ALKBH4: variants seen among roughly 807,000 people sequenced by gnomAD.
The protein encoded by ALKBH4 is alkB homolog 4, lysine demethylase, also known as alpha-ketoglutarate-dependent dioxygenase alkB homolog 4.
In ALKBH4, 8 loss-of-function variants were observed where a neutral mutation model predicts 12.1. The observed-to-expected ratio is 0.66, with a 90% CI of 0.39 to 1.19. The LOEUF is 1.19. ALKBH4 is among the 50% of genes most tolerant of loss of function. ALKBH4 has a pLI of 0.01. For synonymous variants in ALKBH4, 195 were observed against 191.6 expected (o/e 1.02, Z -0.15); for missense variants, 403 against 430.4 (o/e 0.94, Z 0.56).
rs926495408 is a variant in ALKBH4, at chr7:102,456,533, C to G, written c.*861G>C. On this transcript the variant is annotated 3_prime_UTR_variant, in exon 3 of 3. Transcript: ENST00000292566. Reference sequence around the variant, plus strand: ...CGGATTACAGGTGTGAGTCACCGCGCCTGGCCGGGAGCTTTAATTTTTCCT... The same window carrying G: ...CGGATTACAGGTGTGAGTCACCGCGGCTGGCCGGGAGCTTTAATTTTTCCT... 1.3e-5 allele frequency: 2 copies of G among 152,208 alleles called. No individual in the cohort carries two copies. Among genetic ancestry groups the G allele is most frequent in the African/African-American group, 4.8e-5 (2 of 41,446 alleles). 9.4% of individuals were successfully genotyped at this position (152,208 alleles called of 1,614,324 possible). A position where few individuals can be genotyped will look rare whatever the true frequency, so the allele number is the denominator to read the frequency against.
At chr7:102,459,552 G>A in intron 2 of ALKBH4, 52 bp downstream of exon 2, 1 of 1,554,728 alleles carries the variant, frequency 6.4e-7, no homozygotes, top group East Asian at 2.3e-5. Context: ...CAGCAGTAGG[G>A]CTGTCTCCTC....
At chr7:102,460,717 A>G (rs1198263858) in intron 1 of ALKBH4, among the ~76,000 whole-genome samples, 1 of 152,022 alleles carries the variant, frequency 6.6e-6, no homozygotes, top group African/African-American at 2.4e-5. Flanking sequence ...CTGCCTGACT[A>G]CCTTGAATCT....
chr7:102,459,145 CAAAA>C (rs377478984), intron 2 of ALKBH4, among the ~76,000 whole-genome samples: 2 of 53,806 alleles, frequency 3.7e-5, no homozygotes, highest in Admixed American at 1.9e-4. Flanking sequence ...GACTCTGTCT[CAAAA>C]AAAAAAAAAA....
chr7:102,464,578 T>G, intron 1 of ALKBH4, 136 bp downstream of exon 1: 1 of 1,293,256 alleles, frequency 7.7e-7, no homozygotes, highest in Non-Finnish European at 1.0e-6. Flanking sequence ...AGCCCTCATC[T>G]CCTCACCCTG....
Position 102,456,994 on chromosome 7 carries a change from A to G in ALKBH4, c.*400T>C, listed in dbSNP as rs1163905887. On this transcript the variant is annotated 3_prime_UTR_variant, in exon 3 of 3. Transcript: ENST00000292566. ...CGGCTGTGAGTCACCACACCCGGCT[A>G]ATTTTTGTAGTTTTTGTAGAGACGG... 1 of 157,270 alleles carries G rather than the reference A, an allele frequency of 6.4e-6. No individual in the cohort carries two copies. The highest frequency in any genetic ancestry group is 1.4e-5 in the Non-Finnish European group (1 of 71,660). 9.7% of individuals were successfully genotyped at this position (157,270 alleles called of 1,614,324 possible). A position where few individuals can be genotyped will look rare whatever the true frequency, so the allele number is the denominator to read the frequency against.
At position 102,456,461 on chromosome 7, in the gene ALKBH4, C is replaced by G. The variant is rs1261880386; in HGVS notation, c.*933G>C. The G allele has an allele frequency of 6.6e-6, 1 of 152,156 alleles. No individual in the cohort carries two copies. The highest frequency in any genetic ancestry group is 1.5e-5 in the Non-Finnish European group (1 of 68,082). 9.4% of individuals were successfully genotyped at this position (152,156 alleles called of 1,614,324 possible). On this transcript the variant is annotated 3_prime_UTR_variant, in exon 3 of 3. Transcript: ENST00000292566. ...AGAGATGGGGGTCTCACTATGTTGC[C>G]CAGGCTGGCCTCAAGCAATCCTCCC... is the stretch of plus-strand genomic sequence containing the variant.
At chr7:102,460,369 G>A (rs1403963744) in intron 1 of ALKBH4, among the ~76,000 whole-genome samples, 2 of 150,682 alleles carry the variant, frequency 1.3e-5, no homozygotes, top group African/African-American at 4.9e-5. Context: ...ACATCCTGGA[G>A]CCATGGCAGC....
Position 102,457,317 on chromosome 7 carries a change from G to GT in ALKBH4, c.*76dup, listed in dbSNP as rs1563647235. On this transcript the variant is annotated 3_prime_UTR_variant, in exon 3 of 3. Coordinates refer to ENST00000292566, the MANE Select transcript of ALKBH4 (RefSeq NM_017621.4). The surrounding 1 kb of genome is among the most constrained non-coding windows in gnomAD (Gnocchi z 5.9). ...GTCAGCCATCTTCTCTTGAAACCCCGTGAGTTGCAGGAGGCCCTGTTCTGT... is the reference window on the plus strand; with the variant it reads ...GTCAGCCATCTTCTCTTGAAACCCCGTTGAGTTGCAGGAGGCCCTGTTCTGT... 1 of 1,476,392 alleles carries GT rather than the reference G, an allele frequency of 6.8e-7. No individual in the cohort carries two copies. Among genetic ancestry groups the GT allele is most frequent in the Admixed American group, 1.8e-5 (1 of 54,096 alleles). The allele number at this position is 1,476,392 out of a possible 1,614,324, so 91.5% of individuals were successfully genotyped here.
At position 102,459,663 on chromosome 7, in the gene ALKBH4, A is replaced by G; in HGVS notation, c.262T>C (p.Leu88=). The G allele has an allele frequency of 2.5e-6, 4 of 1,613,972 alleles. No homozygotes were observed. In the East Asian group the frequency reaches 6.7e-5, roughly 27 times the overall value. ...GGGTCACGGTCCATGAGCCGCACCA[A>G]CTCGGCTTCTTCCTCCCGGGTCACA... is the stretch of plus-strand genomic sequence containing the variant. The part of the protein sequence containing the change: ...DFVTREEEAE[L]VRLMDRDPWK... The change falls in exon 2 of 3, where the codon TTG becomes CTG. Residue 88 remains leucine, a synonymous_variant. Transcript: ENST00000292566.
chr7:102,459,426 A>C, intron 2 of ALKBH4, 178 bp downstream of exon 2: 1 of 685,784 alleles, frequency 1.5e-6, no homozygotes, highest in Non-Finnish European at 2.4e-6. Flanking sequence ...ACCTCTGCCC[A>C]TCGGACACAC....
In ALKBH4 at chr7:102,464,700, C is replaced by T; in HGVS notation, c.123+14G>A. The T allele has an allele frequency of 6.6e-7, 1 of 1,520,268 alleles. No individual in the cohort carries two copies. The highest frequency in any genetic ancestry group is 1.4e-5 in the African/African-American group (1 of 69,052). 94.2% of individuals were successfully genotyped at this position (1,520,268 alleles called of 1,614,324 possible). A position where few individuals can be genotyped will look rare whatever the true frequency, so the allele number is the denominator to read the frequency against. On this transcript the variant is annotated intron_variant, in intron 1 of 2. Coordinates refer to ENST00000292566, the MANE Select transcript of ALKBH4 (RefSeq NM_017621.4). Reference sequence around the variant, plus strand: ...AGCGACGTTTGTGGGCGCGGCCCCTCTCCCACCCCTTACCGCTGGGGGCAG... The same window carrying T: ...AGCGACGTTTGTGGGCGCGGCCCCTTTCCCACCCCTTACCGCTGGGGGCAG...
At chr7:102,461,359 G>A (rs1586731281) in intron 1 of ALKBH4, among the ~76,000 whole-genome samples, 2 of 28,004 alleles carry the variant, frequency 7.1e-5, no homozygotes, top group African/African-American at 1.5e-4. Context: ...AATACTTTTT[G>A]TTTGTTTGTT....
chr7:102,457,435 G>C lies in ALKBH4; in HGVS notation c.868C>G (p.Leu290Val). ...GGRQQELGQE[L>V]LRIALSFQGR... ...TGGAAGGAGAGGGCGATCCGCAGCAGTTCCTGGCCCAGCTCTTGCTGCCTC... is the reference window on the plus strand; with the variant it reads ...TGGAAGGAGAGGGCGATCCGCAGCACTTCCTGGCCCAGCTCTTGCTGCCTC... The change falls in exon 3 of 3, where the codon CTG (leucine) becomes GTG (valine). Residue 290 changes from leucine (L) to valine (V), a missense_variant. Leu to Val is a conservative substitution (Grantham distance 32). Coordinates refer to ENST00000292566, the MANE Select transcript of ALKBH4 (RefSeq NM_017621.4). The surrounding 1 kb of genome is among the most constrained non-coding windows in gnomAD (Gnocchi z 5.9). 6.2e-7 allele frequency: 1 copy of C among 1,613,430 alleles called. No individual in the cohort carries two copies. The highest frequency in any genetic ancestry group is 1.1e-5 in the South Asian group (1 of 91,076).
At chr7:102,462,122 T>C (rs912405945) in intron 1 of ALKBH4, among the ~76,000 whole-genome samples, 1 of 152,156 alleles carries the variant, frequency 6.6e-6, no homozygotes, top group Non-Finnish European at 1.5e-5. Flanking sequence ...CAGGCTGGAC[T>C]TGTCCGAAAG....
chr7:102,459,413 T>G, intron 2 of ALKBH4, 191 bp downstream of exon 2: 1 of 606,108 alleles, frequency 1.6e-6, no homozygotes, highest in Non-Finnish European at 2.8e-6. Flanking sequence ...GGTGCCCAGG[T>G]GCACCTCTGC....
chr7:102,461,954 C>G (rs77682035), intron 1 of ALKBH4, among the ~76,000 whole-genome samples: 13,357 of 152,172 alleles, frequency 0.088, 1,152 homozygotes, highest in East Asian at 0.44. Flanking sequence ...CTGTCTTTCT[C>G]TGTTCTTCCC....
At chr7:102,464,589 C>A in intron 1 of ALKBH4, 125 bp downstream of exon 1, 1 of 1,346,374 alleles carries the variant, frequency 7.4e-7, no homozygotes, top group Non-Finnish European at 9.7e-7. Context: ...CCTCACCCTG[C>A]ATCACCCCTA....
chr7:102,464,277 T>C (rs985360186), intron 1 of ALKBH4, among the ~76,000 whole-genome samples: 61 of 152,222 alleles, frequency 4.0e-4, no homozygotes, highest in Non-Finnish European at 1.2e-4. Flanking sequence ...CACTGCAGCC[T>C]CCAGCTCCTG....
In ALKBH4 at chr7:102,457,544, C is replaced by G. The variant is rs1467955871; in HGVS notation, c.759G>C (p.Lys253Asn). Residue 253 changes from lysine (K) to asparagine (N), a missense_variant, in exon 3 of 3, where the codon AAG becomes AAC. Lys to Asn is a moderately conservative substitution (Grantham distance 94). Transcript: ENST00000292566. The surrounding 1 kb of genome is among the most constrained non-coding windows in gnomAD (Gnocchi z 5.9). ...VLTGAARHQW[K>N]HAIHRRHIEA... Reference sequence around the variant, plus strand: ...CGATGTGTCTGCGGTGGATGGCATGCTTCCACTGGTGCCGTGCCGCCCCGG... The same window carrying G: ...CGATGTGTCTGCGGTGGATGGCATGGTTCCACTGGTGCCGTGCCGCCCCGG... 1 of 1,612,192 alleles carries G rather than the reference C, an allele frequency of 6.2e-7. No individual in the cohort carries two copies. The highest frequency in any genetic ancestry group is 8.5e-7 in the Non-Finnish European group (1 of 1,179,904).
Sources: gnomAD v4.1 joint callset for allele counts (sites outside exome capture counted in the v4.1 genomes callset) on GRCh38, gnomAD v4.1.1 for gene constraint, Gnocchi (gnomAD v3.1) non-coding constraint, MANE v1.5 for transcripts, NCBI Gene and HGNC (gene_info 2026-07-23, HGNC 2026-07-21) for gene names.